The following ZNF469 variants were observed in gnomAD, a reference collection of about 807,000 sequenced individuals.
ZNF469 encodes zinc finger protein 469.
A neutral mutation model predicts 1.0 loss-of-function variants in ZNF469; 1 was observed. The observed-to-expected ratio is 1.00, with a 90% confidence interval of 0.35 to 4.73. The LOEUF (loss-of-function observed/expected upper bound fraction) is 4.73, where lower values mean the gene tolerates loss of function less well. Ranked by LOEUF, ZNF469 falls within the 30% of genes most tolerant of loss-of-function variation. The pLI is 0.16. For synonymous variants in ZNF469, 2,703 were observed against 2,363.4 expected (o/e 1.14, Z -4.17); for missense variants, 6,100 against 5,356.3 (o/e 1.14, Z -4.33).
Position 88,436,163 on chromosome 16 carries a change from G to T in ZNF469, c.8693G>T (p.Gly2898Val). 1 of 1,547,804 alleles carries T rather than the reference G, an allele frequency of 6.5e-7. No individual in the cohort carries two copies. The highest frequency in any genetic ancestry group is 8.7e-7 in the Non-Finnish European group (1 of 1,146,968). Residue 2898 changes from glycine (G) to valine (V), a missense_variant, in exon 3 of 3, where the codon GGC (glycine) becomes GTC (valine). Gly to Val is a moderately radical substitution (Grantham distance 109). Coordinates refer to ENST00000565624, the MANE Select transcript of ZNF469 (RefSeq NM_001367624.2). ...PLPTQPSFEEGGDPTLGPARL... is the reference protein window; with the variant it reads ...PLPTQPSFEEVGDPTLGPARL... Reference sequence around the variant, plus strand: ...CCAACCCAGCCCAGCTTTGAGGAGGGCGGTGACCCCACGCTGGGCCCAGCC... The same window carrying T: ...CCAACCCAGCCCAGCTTTGAGGAGGTCGGTGACCCCACGCTGGGCCCAGCC...
At chr16:88,344,850 CTCTGGG>C in the ZNF469 span, among the ~76,000 whole-genome samples, 1 of 152,252 alleles carries the variant, frequency 6.6e-6, no homozygotes, top group Non-Finnish European at 1.5e-5. Context: ...ACCACATTGG[CTCTGGG>C]TCCCGCGTGT....
the ZNF469 span, among the ~76,000 whole-genome samples, chr16:88,294,514 G>A: frequency 6.6e-6 from 1 of 152,180 alleles, no homozygotes; most frequent in Non-Finnish European, 1.5e-5. Context: ...GCTACTCAAA[G>A]ACACAGGCAA....
the ZNF469 span, among the ~76,000 whole-genome samples, chr16:88,222,804 G>A: frequency 6.6e-6 from 1 of 151,478 alleles, no homozygotes; most frequent in African/African-American, 2.4e-5. Context: ...TTGCTATATT[G>A]CCCAAGCAGC....
At chr16:88,266,703 G>A in the ZNF469 span, among the ~76,000 whole-genome samples, 1 of 152,362 alleles carries the variant, frequency 6.6e-6, no homozygotes, top group African/African-American at 2.4e-5. Flanking sequence ...GCTGGTCGGT[G>A]TGACAGCTGT....
chr16:88,190,194 CT>C, the ZNF469 span, among the ~76,000 whole-genome samples: 2 of 152,198 alleles, frequency 1.3e-5, no homozygotes, highest in South Asian at 2.1e-4. Context: ...TTCTGGGCAA[CT>C]TTTTTTCCTG....
the ZNF469 span, among the ~76,000 whole-genome samples, chr16:88,138,966 G>T: frequency 6.6e-6 from 1 of 152,246 alleles, no homozygotes; most frequent in Non-Finnish European, 1.5e-5. Flanking sequence ...CTGGTGAAAC[G>T]CTAGGCTGTG....
At chr16:88,229,860 AC>A in the ZNF469 span, among the ~76,000 whole-genome samples, 2 of 151,220 alleles carry the variant, frequency 1.3e-5, no homozygotes, top group Non-Finnish European at 1.5e-5. Context: ...AACAGCAGGG[AC>A]CCCCCAGCAG....
chr16:88,104,426 G>T, the ZNF469 span, among the ~76,000 whole-genome samples: 668 of 151,560 alleles, frequency 4.4e-3, 4 homozygotes, highest in African/African-American at 0.015. Flanking sequence ...CCGGCCCCTT[G>T]CATTACCCTG....
At chr16:88,207,600 G>A in the ZNF469 span, among the ~76,000 whole-genome samples, 4 of 150,742 alleles carry the variant, frequency 2.7e-5, no homozygotes, top group Non-Finnish European at 5.9e-5. Context: ...CTCTCCATTC[G>A]GAGGCCAGAA....
chr16:88,321,968 C>A, the ZNF469 span, among the ~76,000 whole-genome samples: 1 of 152,246 alleles, frequency 6.6e-6, no homozygotes, highest in Non-Finnish European at 1.5e-5. Context: ...TCTGACATCA[C>A]TCAACAGCAA....
In ZNF469 at chr16:88,434,976, C is replaced by G. The variant is rs778439886; in HGVS notation, c.7506C>G (p.Pro2502=). Residue 2502 remains proline, a synonymous_variant, in exon 3 of 3, where the codon CCC becomes CCG. Transcript: ENST00000565624. ...ARKHRPHPGA[P]AEPSPAALPA... is the part of the protein sequence containing the mutation. ...AGCACCGGCCACACCCGGGAGCCCC[C>G]GCGGAGCCGAGCCCAGCGGCCTTGC... 1 of 1,550,016 alleles carries G rather than the reference C, an allele frequency of 6.5e-7. No individual in the cohort carries two copies. Among genetic ancestry groups the G allele is most frequent in the Non-Finnish European group, 8.7e-7 (1 of 1,146,896 alleles).
chr16:88,297,570 G>C, the ZNF469 span, among the ~76,000 whole-genome samples: 4 of 152,182 alleles, frequency 2.6e-5, no homozygotes, highest in African/African-American at 9.7e-5. Context: ...AGCCCTGCAT[G>C]CCTGACCTCC....
At chr16:88,117,575 G>GACCGTGGAGGTGCCACGTGCCTTCGGGC in the ZNF469 span, among the ~76,000 whole-genome samples, 1 of 151,732 alleles carries the variant, frequency 6.6e-6, no homozygotes, top group Non-Finnish European at 1.5e-5. Context: ...TGCCTTCACG[G>GACCGTGGAGGTGCCACGTGCCTTCGGGC]ACCGTGGAGG....
the ZNF469 span, among the ~76,000 whole-genome samples, chr16:88,200,642 G>C: frequency 6.6e-6 from 1 of 152,246 alleles, no homozygotes; most frequent in Non-Finnish European, 1.5e-5. Context: ...ACCACAGTCA[G>C]GTAGGGGCGG....
rs1426683922 is a variant in ZNF469, at chr16:88,436,928, T to G, written c.9458T>G (p.Phe3153Cys). The G allele has an allele frequency of 7.4e-6, 11 of 1,494,768 alleles. No homozygotes were observed. Among genetic ancestry groups the G allele is most frequent in the African/African-American group, 1.4e-5 (1 of 71,884 alleles). The allele number at this position is 1,494,768 out of a possible 1,614,324, so 92.6% of individuals were successfully genotyped here. The change falls in exon 3 of 3, where the codon TTT becomes TGT. Residue 3153 changes from phenylalanine to cysteine, a missense_variant. Physicochemically the swap from Phe to Cys is radical, Grantham distance 205. Transcript: ENST00000565624. ...PTCYMCVERR[F>C]GSRELLRGHL... The stretch of plus-strand genomic sequence containing the variant: ...TGCTACATGTGCGTGGAGCGCAGGT[T>G]TGGCTCGCGGGAGCTGCTGCGGGGG...
At chr16:88,233,701 G>C in the ZNF469 span, among the ~76,000 whole-genome samples, 1 of 152,232 alleles carries the variant, frequency 6.6e-6, no homozygotes, top group Non-Finnish European at 1.5e-5. Flanking sequence ...AGATGTTTTG[G>C]GGCCGTGATG....
the ZNF469 span, among the ~76,000 whole-genome samples, chr16:88,129,171 G>T: frequency 6.6e-6 from 1 of 152,328 alleles, no homozygotes; most frequent in African/African-American, 2.4e-5. Flanking sequence ...CGTGAGCTCT[G>T]GGTCAGAGAG....
chr16:88,142,624 C>A, the ZNF469 span, among the ~76,000 whole-genome samples: 14 of 152,188 alleles, frequency 9.2e-5, no homozygotes, highest in Non-Finnish European at 1.5e-4. Context: ...ACGTGATGTG[C>A]CAGGTGTGGC....
At chr16:88,130,240 G>A in the ZNF469 span, among the ~76,000 whole-genome samples, 1 of 152,160 alleles carries the variant, frequency 6.6e-6, no homozygotes, top group Non-Finnish European at 1.5e-5. Context: ...AAAAGCCGGG[G>A]TCGAGGCCAT....
Sources: allele counts gnomAD v4.1 joint callset (sites outside exome capture counted in the v4.1 genomes callset), GRCh38; gene constraint gnomAD v4.1.1; transcripts MANE v1.5; gene names NCBI Gene and HGNC (gene_info 2026-07-23, HGNC 2026-07-21).